Variants in PRKAR2A observed in about 807,000 individuals in gnomAD.
PRKAR2A encodes protein kinase cAMP-dependent type II regulatory subunit alpha.
Under a neutral mutation model 51.9 loss-of-function variants are expected in PRKAR2A, and 29 were observed. The observed-to-expected ratio is 0.56, with a 90% CI of 0.42 to 0.76. The LOEUF is 0.76. Ranked by LOEUF, PRKAR2A falls within the 30% of genes least tolerant of loss-of-function variation. PRKAR2A has a pLI of 0.00. For synonymous variants in PRKAR2A, 178 were observed against 186.2 expected (o/e 0.96, Z 0.36); for missense variants, 445 against 512.1 (o/e 0.87, Z 1.26).
chr3:48,778,478 T>G (rs964241914), intron 5 of PRKAR2A, among the ~76,000 whole-genome samples: 1 of 152,106 alleles, frequency 6.6e-6, no homozygotes, highest in Non-Finnish European at 1.5e-5. Context: ...TGCGCCACCA[T>G]GCCTGGCAAA....
intron 5 of PRKAR2A, among the ~76,000 whole-genome samples, chr3:48,774,420 T>C (rs917089283): frequency 6.6e-6 from 1 of 152,060 alleles, no homozygotes; most frequent in Non-Finnish European, 1.5e-5. Context: ...TCTCAGCACT[T>C]TAGGAAGCTA....
At chr3:48,764,181 A>G (rs941578794) in intron 8 of PRKAR2A, among the ~76,000 whole-genome samples, 3 of 152,202 alleles carry the variant, frequency 2.0e-5, no homozygotes, top group Non-Finnish European at 4.4e-5. Flanking sequence ...TATACCTGGA[A>G]AAGTCCAATA....
chr3:48,751,695 T>A lies in PRKAR2A; in HGVS notation c.1105A>T (p.Arg369Trp). Residue 369 changes from arginine to tryptophan, a missense_variant, in exon 11 of 11, where the codon AGG (arginine) becomes TGG (tryptophan). Coordinates refer to ENST00000265563, the MANE Select transcript of PRKAR2A (RefSeq NM_004157.4). ...CLVMDVQAFE[R>W]LLGPCMDIMK... ...ATGTCCATGCAGGGCCCCAGAAGCC[T>A]CTCGAATGCTTGTACATCCATAACT... 1 of 1,613,340 alleles carries A rather than the reference T, an allele frequency of 6.2e-7. No homozygotes were observed. Among genetic ancestry groups the A allele is most frequent in the Non-Finnish European group, 8.5e-7 (1 of 1,179,364 alleles).
chr3:48,830,203 CAA>C (rs56960810), intron 1 of PRKAR2A, among the ~76,000 whole-genome samples: 2 of 112,530 alleles, frequency 1.8e-5, no homozygotes. Context: ...AGCTCCGTCT[CAA>C]AAAAAAAAAA....
rs745851715 is a variant in PRKAR2A, at chr3:48,756,367, T to C, written c.939+12A>G. On this transcript the variant is annotated intron_variant, in intron 9 of 10. Coordinates refer to ENST00000265563, the MANE Select transcript of PRKAR2A (RefSeq NM_004157.4). ...TGTGTGTACACCATCACATATAAAC[T>C]GATAAACTCACCCTGCTTCTAATCA... 23 of 1,608,448 alleles carry C rather than the reference T, an allele frequency of 1.4e-5. No homozygotes were observed. Among genetic ancestry groups the C allele is most frequent in the Non-Finnish European group, 1.5e-5 (18 of 1,175,176 alleles).
In PRKAR2A at chr3:48,754,391, C is replaced by T. The variant is rs566451233; in HGVS notation, c.939+1988G>A. Among the ~76,000 whole-genome samples, 217 of 152,138 alleles carry T rather than the reference C, an allele frequency of 1.4e-3. 2 individuals are homozygous for T. Among genetic ancestry groups the T allele is most frequent in the Non-Finnish European group, 2.2e-3 (152 of 68,008 alleles). ...TAGCTGTGACTACAGCTATGTGCCACCACGCCCGGCTAATTTTGTATTTTT... is the reference window on the plus strand; with the variant it reads ...TAGCTGTGACTACAGCTATGTGCCATCACGCCCGGCTAATTTTGTATTTTT... On this transcript the variant is annotated intron_variant, in intron 9 of 10. Transcript: ENST00000265563.
At chr3:48,829,590 A>ACACACACATAAATGTGTATACGTGTG (rs1477522468) in intron 1 of PRKAR2A, among the ~76,000 whole-genome samples, 2 of 35,648 alleles carry the variant, frequency 5.6e-5, no homozygotes, top group African/African-American at 1.3e-4. Context: ...ATGTGTGTAT[A>ACACACACATAAATGTGTATACGTGTG]TATACACACA....
intron 5 of PRKAR2A, among the ~76,000 whole-genome samples, chr3:48,778,798 G>A (rs571838904): frequency 4.7e-5 from 7 of 148,806 alleles, no homozygotes; most frequent in Admixed American, 1.4e-4. Context: ...GATTACAGGC[G>A]TGAGCCACGG....
At position 48,806,879 on chromosome 3, in the gene PRKAR2A, C is replaced by G. The variant is rs534881973; in HGVS notation, c.298+770G>C. On this transcript the variant is annotated intron_variant, in intron 2 of 10. Transcript: ENST00000265563. ...CTCCACCTCCTGGGTTCAAGTGATT[C>G]TCTGCCTCAGCCTCCCAAGTAGCTG... Among the ~76,000 whole-genome samples the G allele has an allele frequency of 2.6e-5, 4 of 151,826 alleles. No individual in the cohort carries two copies. The East Asian group carries it at 7.7e-4, about 29-fold the overall frequency.
intron 2 of PRKAR2A, among the ~76,000 whole-genome samples, chr3:48,794,588 G>A (rs752720302): frequency 1.6e-4 from 24 of 151,762 alleles, no homozygotes; most frequent in East Asian, 2.0e-4. Context: ...CCAGCTACTC[G>A]GGAGGCTGAG....
intron 2 of PRKAR2A, among the ~76,000 whole-genome samples, chr3:48,804,695 T>A (rs528535992): frequency 6.6e-6 from 1 of 152,198 alleles, no homozygotes; most frequent in East Asian, 1.9e-4. Flanking sequence ...AGAGTTGCAA[T>A]GCTTGTCATA....
intron 1 of PRKAR2A, among the ~76,000 whole-genome samples, chr3:48,815,295 CAT>C (rs2082855891): frequency 6.6e-6 from 1 of 151,852 alleles, no homozygotes; most frequent in African/African-American, 2.4e-5. Context: ...CATACACACA[CAT>C]ACACATACAT....
chr3:48,762,896 C>A (rs1286951273), intron 8 of PRKAR2A, among the ~76,000 whole-genome samples: 1 of 152,090 alleles, frequency 6.6e-6, no homozygotes, highest in Non-Finnish European at 1.5e-5. Flanking sequence ...AGAGACTATA[C>A]ATTACATGAT....
chr3:48,803,427 GTTTA>G (rs1162117713), intron 2 of PRKAR2A, among the ~76,000 whole-genome samples: 1 of 151,942 alleles, frequency 6.6e-6, no homozygotes, highest in African/African-American at 2.4e-5. Context: ...TTATTTATTT[GTTTA>G]TTTGTTTATT....
intron 6 of PRKAR2A, among the ~76,000 whole-genome samples, chr3:48,769,251 T>G (rs1258596796): frequency 6.8e-6 from 1 of 146,746 alleles, no homozygotes; most frequent in Non-Finnish European, 1.5e-5. Flanking sequence ...TCCGCCTCCC[T>G]GGTTCACGCC....
chr3:48,817,111 G>C (rs2082886006), intron 1 of PRKAR2A, among the ~76,000 whole-genome samples: 1 of 149,902 alleles, frequency 6.7e-6, no homozygotes, highest in South Asian at 2.1e-4. Context: ...GGTGGATCAC[G>C]AGATCAAGAG....
chr3:48,799,342 G>T (rs2082547875), intron 2 of PRKAR2A, among the ~76,000 whole-genome samples: 1 of 152,116 alleles, frequency 6.6e-6, no homozygotes, highest in Non-Finnish European at 1.5e-5. Context: ...CACTTTAGAA[G>T]GACATCAGTC....
rs752831369 is a variant in PRKAR2A at position 48,794,644 on chromosome 3, G to A, written c.299-595C>T. ...TGGGAGACGGAGGTTGCAGTGAGCC[G>A]AGATCATGCCACTGCACTCCAGCCT... On this transcript the variant is annotated intron_variant, in intron 2 of 10. Coordinates refer to ENST00000265563, the MANE Select transcript of PRKAR2A (RefSeq NM_004157.4). Among the ~76,000 whole-genome samples the A allele has an allele frequency of 8.6e-5, 13 of 151,916 alleles. No homozygotes were observed. The East Asian group carries it at 1.4e-3, about 16-fold the overall frequency.
chr3:48,846,772 A>T (rs1272556973), intron 1 of PRKAR2A, among the ~76,000 whole-genome samples: 1 of 152,208 alleles, frequency 6.6e-6, no homozygotes, highest in African/African-American at 2.4e-5. Flanking sequence ...GCAGAGGTGA[A>T]ATGACCTGAG....
Sources: allele counts gnomAD v4.1 joint callset (sites outside exome capture counted in the v4.1 genomes callset), GRCh38; gene constraint gnomAD v4.1.1; transcripts MANE v1.5; gene names NCBI Gene and HGNC (gene_info 2026-07-23, HGNC 2026-07-21).